The following DLST variants were observed in gnomAD, a reference collection of about 807,000 sequenced individuals.
DLST encodes the protein dihydrolipoamide S-succinyltransferase.
DLST carries 17 observed loss-of-function variants against 53.1 expected under a neutral mutation model. That is an observed-to-expected ratio of 0.32 (90% confidence interval 0.22 to 0.48). The LOEUF (loss-of-function observed/expected upper bound fraction) is 0.48, where lower values mean the gene tolerates loss of function less well. Ranked by LOEUF, DLST falls within the 20% of genes least tolerant of loss-of-function variation. DLST has a pLI of 0.99. For missense variants in DLST, 512 were observed against 583.9 expected, an observed-to-expected ratio of 0.88 and a Z score of 1.27; for synonymous variants, 206 against 204.8, an observed-to-expected ratio of 1.01 and a Z score of -0.05.
chr14:74,884,453 C>G (rs191877015), intron 2 of DLST, among the ~76,000 whole-genome samples: 2 of 152,296 alleles, frequency 1.3e-5, no homozygotes, highest in Admixed American at 6.5e-5. Flanking sequence ...CAGGGATTCA[C>G]CTTGGGCTAG....
chr14:74,882,152 T>G, intron 1 of DLST, 136 bp downstream of exon 1: 81 of 730,830 alleles, frequency 1.1e-4, no homozygotes, highest in East Asian at 1.2e-4. Context: ...CCGCGCGGGC[T>G]GGGCGGCCCG....
At chr14:74,897,605 C>T (rs773837404) in intron 10 of DLST, among the ~76,000 whole-genome samples, 13 of 152,184 alleles carry the variant, frequency 8.5e-5, no homozygotes, top group Non-Finnish European at 1.6e-4. Flanking sequence ...TTTCTAAATA[C>T]CAAGGAAATC....
At chr14:74,891,794 CTA>C (rs1308535127) in intron 7 of DLST, 14 of 985,216 alleles carry the variant, frequency 1.4e-5, no homozygotes, top group African/African-American at 1.7e-5. Context: ...TCACAGAAGT[CTA>C]TTTCTTTTTC....
rs1408205243 is a variant in DLST, at chr14:74,902,977, C to T, written c.*647C>T. 1 of 152,654 alleles carries T rather than the reference C, an allele frequency of 6.6e-6. No individual in the cohort carries two copies. Among genetic ancestry groups the T allele is most frequent in the African/African-American group, 2.4e-5 (1 of 41,446 alleles). 9.5% of individuals were successfully genotyped at this position (152,654 alleles called of 1,614,324 possible). ...AGGGCAGAGGTCCCCTGAGGTCATGCATTGTAATCATCATAGAAGGAGAGC... is the reference window on the plus strand; with the variant it reads ...AGGGCAGAGGTCCCCTGAGGTCATGTATTGTAATCATCATAGAAGGAGAGC... On this transcript the variant is annotated 3_prime_UTR_variant, in exon 15 of 15. Transcript: ENST00000334220.
chr14:74,897,938 GTT>G (rs60311929), intron 10 of DLST, among the ~76,000 whole-genome samples: 8 of 136,922 alleles, frequency 5.8e-5, no homozygotes, highest in Admixed American at 1.5e-4. Flanking sequence ...ATTTGGTGGG[GTT>G]TTTTTTTTTT....
chr14:74,900,041 C>T, intron 12 of DLST, 45 bp downstream of exon 12: 1 of 1,470,414 alleles, frequency 6.8e-7, no homozygotes, highest in East Asian at 2.3e-5. Flanking sequence ...TAGACCCTCA[C>T]CTTATCTGTG....
rs1191392577 is a variant in DLST, at chr14:74,892,780, G to C, written c.443-54G>C. 12 of 1,532,866 alleles carry C rather than the reference G, an allele frequency of 7.8e-6. No individual in the cohort carries two copies. The East Asian group carries it at 1.4e-4, about 17-fold the overall frequency. 95.0% of individuals were successfully genotyped at this position (1,532,866 alleles called of 1,614,324 possible). On this transcript the variant is annotated intron_variant, in intron 7 of 14. Transcript: ENST00000334220. ...GAGTTTTTGCCACTAAATTTTGCTT[G>C]GTTGCTTCTCATTTCAGACAGTGCC... is the stretch of plus-strand genomic sequence containing the variant.
At chr14:74,895,063 C>CA (rs1469184859) in intron 10 of DLST, among the ~76,000 whole-genome samples, 1 of 152,010 alleles carries the variant, frequency 6.6e-6, no homozygotes, top group African/African-American at 2.4e-5. Flanking sequence ...CCCACCTCTA[C>CA]AAAAAATACA....
chr14:74,893,125 C>A, intron 8 of DLST, 139 bp downstream of exon 8: 2 of 1,180,894 alleles, frequency 1.7e-6, no homozygotes, highest in Non-Finnish European at 2.4e-6. Context: ...ACTTTGTATC[C>A]AAAGGCCTGC....
rs60311929 is a variant in DLST at position 74,897,938 on chromosome 14, G to GTT, written c.771-416_771-415dup. On this transcript the variant is annotated intron_variant, in intron 10 of 14. Coordinates refer to ENST00000334220, the MANE Select transcript of DLST (RefSeq NM_001933.5). ...GGGAGTTATACTCAGATTTGGTGGG[G>GTT]TTTTTTTTTTTTTTTTGTATTCTAA... is the stretch of plus-strand genomic sequence containing the variant. Among the ~76,000 whole-genome samples, 214 of 136,944 alleles carry GTT rather than the reference G, an allele frequency of 1.6e-3. 1 individual carries two copies. Among genetic ancestry groups the GTT allele is most frequent in the African/African-American group, 4.6e-3 (175 of 37,664 alleles). The allele number at this position is 136,944 out of a possible 152,430, so 89.8% of individuals were successfully genotyped here.
chr14:74,900,965 G>GTCC, intron 13 of DLST, 101 bp from the exon 14 acceptor site: 1 of 1,352,926 alleles, frequency 7.4e-7, no homozygotes, highest in South Asian at 1.4e-5. Context: ...GCCTCAAGCA[G>GTCC]TCCTCCTGCC....
chr14:74,898,274 A>G (rs1884133642), intron 10 of DLST, 95 bp from the exon 11 acceptor site: 2 of 1,487,644 alleles, frequency 1.3e-6, no homozygotes, highest in Non-Finnish European at 1.8e-6. Context: ...GAGTGAGGGA[A>G]AAGCTCTCAC....
rs2140201518 is a variant in DLST, at chr14:74,898,507, G to C, written c.901+8G>C. On this transcript the variant is annotated splice_region_variant and intron_variant, in intron 11 of 14. Transcript: ENST00000334220. ...AGCCTGTTGTAAATGCAGGTGAGTT[G>C]CTTGTGGCTGGAATTGGAGAGGTCC... 3 of 1,613,808 alleles carry C rather than the reference G, an allele frequency of 1.9e-6. No homozygotes were observed. The Admixed American group carries it at 5.0e-5, about 27-fold the overall frequency.
chr14:74,893,130 G>A, intron 8 of DLST, 144 bp downstream of exon 8: 1 of 1,160,576 alleles, frequency 8.6e-7, no homozygotes. Flanking sequence ...GTATCCAAAG[G>A]CCTGCTTTGC....
rs765945730 is a variant in DLST, at chr14:74,900,278, A to G, written c.976-11A>G. ...AATTTGCAACTGAAAACAGCTTTTC[A>G]CCCCCTTCAGGGTCTGGTGGTTCCA... is the stretch of plus-strand genomic sequence containing the variant. On this transcript the variant is annotated splice_polypyrimidine_tract_variant and intron_variant, in intron 12 of 14. Coordinates refer to ENST00000334220, the MANE Select transcript of DLST (RefSeq NM_001933.5). 11 of 1,613,582 alleles carry G rather than the reference A, an allele frequency of 6.8e-6. No homozygotes were observed. The South Asian group carries it at 7.7e-5, about 11-fold the overall frequency.
chr14:74,892,859 T>C lies in DLST; in HGVS notation c.468T>C (p.Ala156=). 1 of 1,613,676 alleles carries C rather than the reference T, an allele frequency of 6.2e-7. No individual in the cohort carries two copies. The highest frequency in any genetic ancestry group is 1.1e-5 in the South Asian group (1 of 91,024). Residue 156 remains alanine (A), a synonymous_variant, in exon 8 of 15, where the codon GCT becomes GCC. Transcript: ENST00000334220. ...TGAAPAKAKP[A]EAPAAAAPKA... ...CTGCTCCTGCTAAGGCCAAGCCGGCTGAAGCTCCTGCTGCTGCAGCCCCAA... is the reference window on the plus strand; with the variant it reads ...CTGCTCCTGCTAAGGCCAAGCCGGCCGAAGCTCCTGCTGCTGCAGCCCCAA...
Position 74,903,343 on chromosome 14 carries a change from C to T in DLST, c.*1013C>T, listed in dbSNP as rs1346425048. 6.6e-6 allele frequency: 1 copy of T among 152,490 alleles called. No homozygotes were observed. Among genetic ancestry groups the T allele is most frequent in the Non-Finnish European group, 1.5e-5 (1 of 68,096 alleles). 9.4% of individuals were successfully genotyped at this position (152,490 alleles called of 1,614,324 possible). A position where few individuals can be genotyped will look rare whatever the true frequency, so the allele number is the denominator to read the frequency against. On this transcript the variant is annotated 3_prime_UTR_variant, in exon 15 of 15. Coordinates refer to ENST00000334220, the MANE Select transcript of DLST (RefSeq NM_001933.5). ...CGTTATAGCGGGGCCTTGTCTCTTC[C>T]TCTGCAGGACACAGATCTGGAGGAC... is the stretch of plus-strand genomic sequence containing the variant.
Position 74,900,346 on chromosome 14 carries a change from C to T in DLST, c.1033C>T (p.Arg345Trp), listed in dbSNP as rs529335333. ...VEAMNFADIERTITELGEKAR... is the reference protein window; with the variant it reads ...VEAMNFADIEWTITELGEKAR... ...AGCTATGAATTTTGCAGATATTGAA[C>T]GGACCATCACTGAACTGGGAGAGAA... is the stretch of plus-strand genomic sequence containing the variant. Residue 345 changes from arginine to tryptophan, a missense_variant, in exon 13 of 15, where the codon CGG becomes TGG. Transcript: ENST00000334220. The T allele has an allele frequency of 2.6e-5, 42 of 1,613,864 alleles. No individual in the cohort carries two copies. The highest frequency in any genetic ancestry group is 4.4e-5 in the South Asian group (4 of 91,064).
chr14:74,901,374 T>C, intron 14 of DLST, 141 bp downstream of exon 14: 1 of 827,886 alleles, frequency 1.2e-6, no homozygotes, highest in South Asian at 1.8e-5. Flanking sequence ...GCACTGATTA[T>C]CAAATTGTGG....
Sources: gnomAD v4.1 joint callset for allele counts (sites outside exome capture counted in the v4.1 genomes callset) on GRCh38, gnomAD v4.1.1 for gene constraint, MANE v1.5 for transcripts, NCBI Gene and HGNC (gene_info 2026-07-23, HGNC 2026-07-21) for gene names.